CNTROB: variants seen among roughly 807,000 people sequenced by gnomAD.
CNTROB encodes the protein centrobin.
CNTROB carries 82 observed loss-of-function variants against 115.7 expected under a neutral mutation model. The ratio of observed to expected loss-of-function variants is 0.71; its 90% CI spans 0.59 to 0.85. The LOEUF is 0.85. CNTROB is among the 40% of genes least tolerant of loss of function. The pLI, the probability that CNTROB is intolerant of heterozygous loss-of-function variation, is 0.00. For missense variants in CNTROB, 1,014 were observed against 1,144.4 expected, an observed-to-expected ratio of 0.89 and a Z score of 1.64; for synonymous variants, 439 against 456.4, an observed-to-expected ratio of 0.96 and a Z score of 0.49.
At chr17:7,933,456 T>C in intron 1 of CNTROB, 107 bp downstream of exon 1, 1 of 1,164,700 alleles carries the variant, frequency 8.6e-7, no homozygotes, top group Admixed American at 2.8e-5. Flanking sequence ...ACTCTTCCTG[T>C]TGGATTTCAT....
In CNTROB at chr17:7,948,474, C is replaced by T. The variant is rs562268046; in HGVS notation, c.2381-13C>T. The T allele has an allele frequency of 6.2e-7, 1 of 1,613,934 alleles. No homozygotes were observed. Among genetic ancestry groups the T allele is most frequent in the Admixed American group, 1.7e-5 (1 of 59,994 alleles). On this transcript the variant is annotated splice_polypyrimidine_tract_variant and intron_variant, in intron 16 of 18. Coordinates refer to ENST00000563694, the MANE Select transcript of CNTROB (RefSeq NM_053051.5). This position sits in a 1 kb window ranked among gnomAD's most constrained non-coding sequence, Gnocchi z 4.4. Reference sequence around the variant, plus strand: ...CCTAGGATGACGCCTGTGATTATTGCGATGTCTGTCAGGTGGAGATGGGCT... The same window carrying T: ...CCTAGGATGACGCCTGTGATTATTGTGATGTCTGTCAGGTGGAGATGGGCT...
intron 6 of CNTROB, 43 bp downstream of exon 6, chr17:7,936,860 A>C: frequency 1.2e-6 from 1 of 866,538 alleles, no homozygotes; most frequent in Middle Eastern, 2.2e-4. Flanking sequence ...TGAGTCACAG[A>C]TCTCAAGATG....
At chr17:7,942,904 C>T (rs922595764) in intron 9 of CNTROB, among the ~76,000 whole-genome samples, 12 of 144,916 alleles carry the variant, frequency 8.3e-5, no homozygotes, top group African/African-American at 2.8e-4. Context: ...CAGGTTCATG[C>T]CATTCTCCTG....
In CNTROB at chr17:7,944,153, C is replaced by A. The variant is rs1315307928; in HGVS notation, c.1476C>A (p.His492Gln). 6.2e-7 allele frequency: 1 copy of A among 1,609,838 alleles called. No homozygotes were observed. The highest frequency in any genetic ancestry group is 1.7e-5 in the Admixed American group (1 of 59,988). ...RKQLQDLSGQ[H>Q]QQELASQLAQ... ...AGCTGCAGGACCTGAGTGGACAGCA[C>A]CAGCAGGAGCTGGCCAGTCAGCTAG... The change falls in exon 11 of 19, where the codon CAC becomes CAA. Residue 492 changes from histidine to glutamine, a missense_variant. Transcript: ENST00000563694. The surrounding 1 kb of genome is among the most constrained non-coding windows in gnomAD (Gnocchi z 4.0).
At position 7,939,800 on chromosome 17, in the gene CNTROB, A is replaced by C; in HGVS notation, c.1164+51A>C. 2 of 1,493,298 alleles carry C rather than the reference A, an allele frequency of 1.3e-6. No individual in the cohort carries two copies. Among genetic ancestry groups the C allele is most frequent in the Non-Finnish European group, 1.9e-6 (2 of 1,071,972 alleles). The allele number at this position is 1,493,298 out of a possible 1,614,324, so 92.5% of individuals were successfully genotyped here. On this transcript the variant is annotated intron_variant, in intron 8 of 18. Transcript: ENST00000563694. The surrounding 1 kb of genome is among the most constrained non-coding windows in gnomAD (Gnocchi z 4.4). ...AGGAACTAGGGAGTAGATGAAGGGC[A>C]AAATAATTGAATGGGATGGAATGTT...
chr17:7,944,652 C>G lies in CNTROB; in HGVS notation c.1734+14C>G, dbSNP rs1974310756. 1 of 1,593,110 alleles carries G rather than the reference C, an allele frequency of 6.3e-7. No individual in the cohort carries two copies. The highest frequency in any genetic ancestry group is 1.1e-5 in the South Asian group (1 of 89,840). On this transcript the variant is annotated intron_variant, in intron 12 of 18. Coordinates refer to ENST00000563694, the MANE Select transcript of CNTROB (RefSeq NM_053051.5). This position sits in a 1 kb window ranked among gnomAD's most constrained non-coding sequence, Gnocchi z 4.0. Reference sequence around the variant, plus strand: ...CCCAACCCTCCAGTACGCCTTACCCCTTGAGCTAAGCTTCTCCGTTATGTT... The same window carrying G: ...CCCAACCCTCCAGTACGCCTTACCCGTTGAGCTAAGCTTCTCCGTTATGTT...
chr17:7,939,785 G>A lies in CNTROB; in HGVS notation c.1164+36G>A, dbSNP rs373281875. ...CAGTTGGAAGAGCTGAGGAACTAGG[G>A]AGTAGATGAAGGGCAAAATAATTGA... On this transcript the variant is annotated intron_variant, in intron 8 of 18. Transcript: ENST00000563694. The surrounding 1 kb of genome is among the most constrained non-coding windows in gnomAD (Gnocchi z 4.4). 8.5e-5 allele frequency: 135 copies of A among 1,590,324 alleles called. 1 individual carries two copies. In the African/African-American group the frequency reaches 1.7e-3, roughly 20 times the overall value.
At position 7,933,249 on chromosome 17, in the gene CNTROB, A is replaced by G. The variant is rs763853785; in HGVS notation, c.170A>G (p.Tyr57Cys). 2 of 1,614,034 alleles carry G rather than the reference A, an allele frequency of 1.2e-6. No individual in the cohort carries two copies. The highest frequency in any genetic ancestry group is 2.7e-5 in the African/African-American group (2 of 74,912). ...QAEATARAQL[Y>C]LPSTSPPHEG... is the part of the protein sequence containing the mutation. ...GAGGCCACGGCCCGAGCCCAGCTGT[A>G]TTTACCCTCCACCTCCCCGCCTCAT... The change falls in exon 1 of 19, where the codon TAT becomes TGT. Residue 57 changes from tyrosine to cysteine, a missense_variant. Coordinates refer to ENST00000563694, the MANE Select transcript of CNTROB (RefSeq NM_053051.5).
Position 7,934,292 on chromosome 17 carries a change from G to A in CNTROB, c.355+70G>A, listed in dbSNP as rs377225084. On this transcript the variant is annotated intron_variant, in intron 2 of 18. Transcript: ENST00000563694. ...TAAGGGGTGGGAGAAAGTGGACAGA[G>A]GAAGCAGGCAGGAAAACCTCTGAGC... 3.4e-6 allele frequency: 5 copies of A among 1,491,568 alleles called. No individual in the cohort carries two copies. In the African/African-American group the frequency reaches 6.9e-5, roughly 21 times the overall value. 92.4% of individuals were successfully genotyped at this position (1,491,568 alleles called of 1,614,324 possible).
chr17:7,948,126 C>T lies in CNTROB; in HGVS notation c.2210-31C>T, dbSNP rs757127856. On this transcript the variant is annotated intron_variant, in intron 15 of 18. Coordinates refer to ENST00000563694, the MANE Select transcript of CNTROB (RefSeq NM_053051.5). The surrounding 1 kb of genome is among the most constrained non-coding windows in gnomAD (Gnocchi z 4.4). ...ACTTCCTTGGTTCTATGCCCCATTTCCTGATTCTTGGCATTCTTTCCTTTT... is the reference window on the plus strand; with the variant it reads ...ACTTCCTTGGTTCTATGCCCCATTTTCTGATTCTTGGCATTCTTTCCTTTT... 1 of 1,613,734 alleles carries T rather than the reference C, an allele frequency of 6.2e-7. No homozygotes were observed. Among genetic ancestry groups the T allele is most frequent in the Non-Finnish European group, 8.5e-7 (1 of 1,179,742 alleles).
chr17:7,939,448 C>A lies in CNTROB; in HGVS notation c.928-65C>A. 1 of 1,345,120 alleles carries A rather than the reference C, an allele frequency of 7.4e-7. No individual in the cohort carries two copies. Among genetic ancestry groups the A allele is most frequent in the South Asian group, 1.2e-5 (1 of 82,086 alleles). 83.3% of individuals were successfully genotyped at this position (1,345,120 alleles called of 1,614,324 possible). On this transcript the variant is annotated intron_variant, in intron 7 of 18. Transcript: ENST00000563694. This position sits in a 1 kb window ranked among gnomAD's most constrained non-coding sequence, Gnocchi z 4.4. ...CTCAGCAGGCACCTTGTATGAGGGT[C>A]AGAGGGCAGATCGCTGGTCTCTGAA... is the stretch of plus-strand genomic sequence containing the variant.
chr17:7,947,789 G>A, intron 14 of CNTROB, 67 bp downstream of exon 14: 1 of 1,601,560 alleles, frequency 6.2e-7, no homozygotes, highest in South Asian at 1.1e-5. Context: ...TTTCTGCTCT[G>A]GGAATCCAGG....
chr17:7,944,612 A>C lies in CNTROB; in HGVS notation c.1708A>C (p.Thr570Pro). ...HWDEANQLLS[T>P]TLPPPNPPAP... ...GGATGAGGCCAACCAGCTGCTCAGC[A>C]CCACTCTCCCGCCGCCCAACCCTCC... Residue 570 changes from threonine to proline, a missense_variant, in exon 12 of 19, where the codon ACC (threonine) becomes CCC (proline). Coordinates refer to ENST00000563694, the MANE Select transcript of CNTROB (RefSeq NM_053051.5). This position sits in a 1 kb window ranked among gnomAD's most constrained non-coding sequence, Gnocchi z 4.0. The C allele has an allele frequency of 1.9e-6, 3 of 1,612,036 alleles. No homozygotes were observed. The highest frequency in any genetic ancestry group is 2.5e-6 in the Non-Finnish European group (3 of 1,178,542).
At chr17:7,940,733 G>A (rs534357259) in intron 9 of CNTROB, among the ~76,000 whole-genome samples, 6 of 151,898 alleles carry the variant, frequency 4.0e-5, no homozygotes, top group Admixed American at 6.5e-5. Context: ...CTCAAAAATT[G>A]TTTGTCAGAT....
chr17:7,947,793 A>G, intron 14 of CNTROB, 71 bp downstream of exon 14: 3 of 1,604,066 alleles, frequency 1.9e-6, no homozygotes, highest in Non-Finnish European at 2.6e-6. Flanking sequence ...TGCTCTGGGA[A>G]TCCAGGACTC....
intron 4 of CNTROB, among the ~76,000 whole-genome samples, chr17:7,935,426 T>G (rs915508128): frequency 1.3e-5 from 2 of 150,816 alleles, no homozygotes; most frequent in Non-Finnish European, 3.0e-5. Flanking sequence ...GGCGTGAACC[T>G]GGGAGGCGGA....
At chr17:7,936,073 T>C (rs2057568287) in intron 4 of CNTROB, 1 of 352,686 alleles carries the variant, frequency 2.8e-6, no homozygotes. Flanking sequence ...CTGTGTGGGC[T>C]GCTGCATCTC....
intron 13 of CNTROB, among the ~76,000 whole-genome samples, chr17:7,947,322 G>C (rs1005273588): frequency 2.6e-5 from 4 of 152,146 alleles, no homozygotes; most frequent in African/African-American, 9.7e-5. Flanking sequence ...TATTTGTTTA[G>C]AGTTTGAGTA....
In CNTROB at chr17:7,932,719, G is replaced by GGATA; in HGVS notation, c.-359_-356dup. 1 of 231,012 alleles carries GGATA rather than the reference G, an allele frequency of 4.3e-6. No homozygotes were observed. The highest frequency in any genetic ancestry group is 8.3e-5 in the South Asian group (1 of 12,120). 14.3% of individuals were successfully genotyped at this position (231,012 alleles called of 1,614,324 possible). On this transcript the variant is annotated 5_prime_UTR_variant, in exon 1 of 19. Transcript: ENST00000563694. ...AGAACTTAAGAGCTCAGTTGACCGG[G>GGATA]GATAGCCTGTGCCGGAGTTGATCTG... is the stretch of plus-strand genomic sequence containing the variant.
Sources: gnomAD v4.1 joint callset for allele counts (sites outside exome capture counted in the v4.1 genomes callset) on GRCh38, gnomAD v4.1.1 for gene constraint, Gnocchi (gnomAD v3.1) non-coding constraint, MANE v1.5 for transcripts, NCBI Gene and HGNC (gene_info 2026-07-23, HGNC 2026-07-21) for gene names.